The following SS18L1 variants were observed in gnomAD, a reference collection of about 807,000 sequenced individuals.
SS18L1 encodes calcium-responsive transactivator.
Under a neutral mutation model 70.3 loss-of-function variants are expected in SS18L1, and 32 were observed. The ratio of observed to expected loss-of-function variants is 0.46; its 90% CI spans 0.34 to 0.61. SS18L1 has a LOEUF of 0.61. SS18L1 is among the 20% of genes least tolerant of loss of function. SS18L1 has a pLI of 0.01. For synonymous variants in SS18L1, 237 were observed against 229.7 expected (o/e 1.03, Z -0.29); for missense variants, 430 against 542.1 (o/e 0.79, Z 2.05).
intron 8 of SS18L1, among the ~76,000 whole-genome samples, chr20:62,167,047 T>G (rs79566813): frequency 5.9e-4 from 78 of 132,680 alleles, no homozygotes; most frequent in Non-Finnish European, 3.5e-4. Context: ...TGTTTGTTTT[T>G]TTTTTTTTTT....
At chr20:62,146,435 ACAACCCAGGTGGCTT>A (rs2057027246) in intron 1 of SS18L1, among the ~76,000 whole-genome samples, 2 of 152,144 alleles carry the variant, frequency 1.3e-5, no homozygotes, top group East Asian at 3.9e-4. Flanking sequence ...ACACATTCCC[ACAACCCAGGTGGCTT>A]CAAACAACAG....
chr20:62,163,703 G>A (rs898066643), intron 6 of SS18L1, 81 bp downstream of exon 6: 47 of 1,433,492 alleles, frequency 3.3e-5, no homozygotes, highest in Non-Finnish European at 3.8e-5. Flanking sequence ...GCTTCTCTTC[G>A]GGGAGCCTGG....
intron 1 of SS18L1, among the ~76,000 whole-genome samples, chr20:62,156,920 C>T (rs904980120): frequency 9.2e-5 from 14 of 152,222 alleles, no homozygotes; most frequent in Non-Finnish European, 1.8e-4. Flanking sequence ...GGGTGCCAGC[C>T]TCTGAGAAAA....
rs2057592749 is a variant in SS18L1 at position 62,174,811 on chromosome 20, CTG to C, written c.1164+171_1164+172del. On this transcript the variant is annotated intron_variant, in intron 10 of 10. Coordinates refer to ENST00000331758, the MANE Select transcript of SS18L1 (RefSeq NM_198935.3). This position sits in a 1 kb window ranked among gnomAD's most constrained non-coding sequence, Gnocchi z 4.1. Reference sequence around the variant, plus strand: ...CCTGTAAGGTTTTGCAGAATTGCCTCTGTGTATACGCTCACCTCAGTCATCCA... The same window carrying C: ...CCTGTAAGGTTTTGCAGAATTGCCTCTGTATACGCTCACCTCAGTCATCCA... 1.3e-6 allele frequency: 2 copies of C among 1,517,860 alleles called. No homozygotes were observed. The highest frequency in any genetic ancestry group is 1.8e-6 in the Non-Finnish European group (2 of 1,131,976). The allele number at this position is 1,517,860 out of a possible 1,614,324, so 94.0% of individuals were successfully genotyped here. A position where few individuals can be genotyped will look rare whatever the true frequency, so the allele number is the denominator to read the frequency against.
Position 62,161,807 on chromosome 20 carries a change from A to G in SS18L1, c.376+227A>G, listed in dbSNP as rs7262070. ...GCTCCAGTTGTCCACTCTCTCTGAC[A>G]CTGTCACGTTCCATCAAATTCAAAT... On this transcript the variant is annotated intron_variant, in intron 4 of 10. Transcript: ENST00000331758. The surrounding 1 kb of genome is among the most constrained non-coding windows in gnomAD (Gnocchi z 4.4). 0.055 allele frequency among the ~76,000 whole-genome samples: 8,354 copies of G among 152,302 alleles called. 774 individuals carry two copies. The highest frequency in any genetic ancestry group is 0.19 in the African/African-American group (7,889 of 41,542).
Position 62,181,714 on chromosome 20 carries a change from T to C in SS18L1, c.*2506T>C. 4.5e-6 allele frequency: 1 copy of C among 221,986 alleles called. No individual in the cohort carries two copies. Among genetic ancestry groups the C allele is most frequent in the Non-Finnish European group, 9.0e-6 (1 of 110,826 alleles). The allele number at this position is 221,986 out of a possible 1,614,324, so 13.8% of individuals were successfully genotyped here. On this transcript the variant is annotated 3_prime_UTR_variant, in exon 11 of 11. Coordinates refer to ENST00000331758, the MANE Select transcript of SS18L1 (RefSeq NM_198935.3). ...GTTTATTTAATGTGCTGTCCATTTTTATGTAATATTATGGGGAAAGTGATG... is the reference window on the plus strand; with the variant it reads ...GTTTATTTAATGTGCTGTCCATTTTCATGTAATATTATGGGGAAAGTGATG...
rs570164293 is a variant in SS18L1, at chr20:62,163,747, T to C, written c.721+125T>C. The C allele has an allele frequency of 6.1e-6, 8 of 1,309,832 alleles. No individual in the cohort carries two copies. In the East Asian group the frequency reaches 1.8e-4, roughly 29 times the overall value. 81.1% of individuals were successfully genotyped at this position (1,309,832 alleles called of 1,614,324 possible). A position where few individuals can be genotyped will look rare whatever the true frequency, so the allele number is the denominator to read the frequency against. The stretch of plus-strand genomic sequence containing the variant: ...GGCGGGGAGCCTGGGGGAGTGAGGC[T>C]TGGCGCCTTGGTGTTAACATTGAGT... On this transcript the variant is annotated intron_variant, in intron 6 of 10. Transcript: ENST00000331758.
chr20:62,158,777 TGGAGGGTGTC>T lies in SS18L1; in HGVS notation c.146+30_146+39del, dbSNP rs778028044. The T allele has an allele frequency of 1.2e-6, 2 of 1,612,864 alleles. No individual in the cohort carries two copies. Among genetic ancestry groups the T allele is most frequent in the Non-Finnish European group, 1.7e-6 (2 of 1,179,938 alleles). ...AGTGCCCGCCATACACCGGAACACT[TGGAGGGTGTC>T]ATGCAGAGTCTAAGCACAGAGGCCA... On this transcript the variant is annotated intron_variant, in intron 2 of 10. Transcript: ENST00000331758. This position sits in a 1 kb window ranked among gnomAD's most constrained non-coding sequence, Gnocchi z 4.5.
chr20:62,156,731 T>C (rs141187720), intron 1 of SS18L1, among the ~76,000 whole-genome samples: 99 of 152,230 alleles, frequency 6.5e-4, no homozygotes, highest in African/African-American at 2.3e-3. Context: ...AGGGGCCACG[T>C]TGCAGGGTGG....
In SS18L1 at chr20:62,158,045, G is replaced by C. The variant is rs1000758879; in HGVS notation, c.70-627G>C. Among the ~76,000 whole-genome samples the C allele has an allele frequency of 1.3e-5, 2 of 152,144 alleles. No homozygotes were observed. Among genetic ancestry groups the C allele is most frequent in the African/African-American group, 2.4e-5 (1 of 41,418 alleles). On this transcript the variant is annotated intron_variant, in intron 1 of 10. Coordinates refer to ENST00000331758, the MANE Select transcript of SS18L1 (RefSeq NM_198935.3). The surrounding 1 kb of genome is among the most constrained non-coding windows in gnomAD (Gnocchi z 4.5). ...GATCCTTGGGAGGGGGCAGTTACCTGTGCCCCACCCTGTGTGGTTGCAATT... is the reference window on the plus strand; with the variant it reads ...GATCCTTGGGAGGGGGCAGTTACCTCTGCCCCACCCTGTGTGGTTGCAATT...
intron 1 of SS18L1, 114 bp downstream of exon 1, chr20:62,144,003 G>A: frequency 1.5e-6 from 1 of 660,266 alleles, no homozygotes; most frequent in Non-Finnish European, 1.9e-6. Flanking sequence ...GGGCGCAGCC[G>A]GGCGGCCGCG....
At chr20:62,152,644 G>A (rs549155342) in intron 1 of SS18L1, among the ~76,000 whole-genome samples, 2 of 151,420 alleles carry the variant, frequency 1.3e-5, no homozygotes, top group African/African-American at 4.9e-5. Context: ...TCCAGGCCGC[G>A]TGAATGGCTT....
chr20:62,170,906 G>C (rs372476962), intron 8 of SS18L1, among the ~76,000 whole-genome samples: 1 of 144,060 alleles, frequency 6.9e-6, no homozygotes, highest in African/African-American at 2.6e-5. Flanking sequence ...TTTTTTTTTT[G>C]TTTATGTTTT....
rs902586499 is a variant in SS18L1, at chr20:62,174,454, TAAG to T, written c.1037-60_1037-58del. ...GAAGTTTTAAAAAAAATTTTTAAGT[TAAG>T]AAAAAAAAAGAAAGAGGTGTCCGTT... On this transcript the variant is annotated intron_variant, in intron 9 of 10. Coordinates refer to ENST00000331758, the MANE Select transcript of SS18L1 (RefSeq NM_198935.3). This position sits in a 1 kb window ranked among gnomAD's most constrained non-coding sequence, Gnocchi z 4.1. 7.8e-6 allele frequency: 12 copies of T among 1,547,308 alleles called. No homozygotes were observed. The highest frequency in any genetic ancestry group is 7.0e-5 in the African/African-American group (5 of 71,744).
chr20:62,144,256 C>CG (rs1167593318), intron 1 of SS18L1, among the ~76,000 whole-genome samples: 1 of 151,984 alleles, frequency 6.6e-6, no homozygotes, highest in African/African-American at 2.4e-5. Context: ...GCCGGGCGCA[C>CG]GGGGACCCCT....
rs1395808575 is a variant in SS18L1, at chr20:62,161,058, G to T, written c.232-378G>T. Among the ~76,000 whole-genome samples the T allele has an allele frequency of 6.6e-6, 1 of 151,878 alleles. No homozygotes were observed. The highest frequency in any genetic ancestry group is 1.5e-5 in the Non-Finnish European group (1 of 67,990). On this transcript the variant is annotated intron_variant, in intron 3 of 10. Transcript: ENST00000331758. This position sits in a 1 kb window ranked among gnomAD's most constrained non-coding sequence, Gnocchi z 4.4. The stretch of plus-strand genomic sequence containing the variant: ...TCTGCCGAAGCTCTTGGCACGGAGG[G>T]GTCGTGGTTGGGGAGCACAGAGGCG...
Position 62,174,524 on chromosome 20 carries a change from C to T in SS18L1, c.1044C>T (p.Ala348=), listed in dbSNP as rs1025766538. ...YPGQQQGYGS[A]QGAPSQYPGY... is the part of the protein sequence containing the mutation. ...TTCCTGGTGTCTTCTCAGGGTCTGC[C>T]CAGGGAGCCCCGTCACAGTACCCCG... Residue 348 remains alanine (A), a synonymous_variant, in exon 10 of 11, where the codon GCC becomes GCT. Transcript: ENST00000331758. The surrounding 1 kb of genome is among the most constrained non-coding windows in gnomAD (Gnocchi z 4.1). 6.2e-7 allele frequency: 1 copy of T among 1,613,874 alleles called. No individual in the cohort carries two copies. Among genetic ancestry groups the T allele is most frequent in the Non-Finnish European group, 8.5e-7 (1 of 1,180,008 alleles).
intron 1 of SS18L1, among the ~76,000 whole-genome samples, chr20:62,145,883 CAG>C (rs1211256603): frequency 6.6e-6 from 1 of 152,214 alleles, no homozygotes; most frequent in Non-Finnish European, 1.5e-5. Flanking sequence ...GCTGTGTCCA[CAG>C]TGTGTGCTGG....
chr20:62,177,989 C>G (rs996259066), intron 10 of SS18L1, among the ~76,000 whole-genome samples: 1 of 143,304 alleles, frequency 7.0e-6, no homozygotes, highest in South Asian at 2.2e-4. Flanking sequence ...GACTGTAATC[C>G]TACAGGCATG....
Sources: gnomAD v4.1 joint callset for allele counts (sites outside exome capture counted in the v4.1 genomes callset) on GRCh38, gnomAD v4.1.1 for gene constraint, Gnocchi (gnomAD v3.1) non-coding constraint, MANE v1.5 for transcripts, NCBI Gene and HGNC (gene_info 2026-07-23, HGNC 2026-07-21) for gene names.